The following DPP6 variants were observed in gnomAD, a reference collection of about 807,000 sequenced individuals.
DPP6 encodes the protein dipeptidyl peptidase like 6.
In DPP6, 69 loss-of-function variants were observed where a neutral mutation model predicts 122.6. The ratio of observed to expected loss-of-function variants is 0.56; its 90% CI spans 0.46 to 0.69. The LOEUF (loss-of-function observed/expected upper bound fraction) is 0.69. Ranked by LOEUF, DPP6 falls within the 30% of genes least tolerant of loss-of-function variation. DPP6 has a pLI of 0.00. For synonymous variants in DPP6, 418 were observed against 433.1 expected (o/e 0.97, Z 0.43); for missense variants, 928 against 1,116.9 (o/e 0.83, Z 2.41).
intron 1 of DPP6, among the ~76,000 whole-genome samples, chr7:154,246,550 A>G (rs989779306): frequency 6.6e-6 from 1 of 152,240 alleles, no homozygotes; most frequent in Non-Finnish European, 1.5e-5. Flanking sequence ...TAAAATTTGC[A>G]TAGGAATTAA....
chr7:154,773,892 T>A (rs1238869764), intron 10 of DPP6, among the ~76,000 whole-genome samples: 2 of 152,212 alleles, frequency 1.3e-5, no homozygotes, highest in African/African-American at 4.8e-5. Context: ...CCTCTCTGAA[T>A]GATGTGCTGG....
At position 154,754,150 on chromosome 7, in the gene DPP6, G is replaced by A. The variant is rs188889889; in HGVS notation, c.884-15267G>A. Reference sequence around the variant, plus strand: ...ATATTTGTGCAGAATATCTCAGTCCGATTAAGGTGACAATTGCTCAGGATT... The same window carrying A: ...ATATTTGTGCAGAATATCTCAGTCCAATTAAGGTGACAATTGCTCAGGATT... On this transcript the variant is annotated intron_variant, in intron 8 of 25. Coordinates refer to ENST00000377770, the MANE Select transcript of DPP6 (RefSeq NM_130797.4). Among the ~76,000 whole-genome samples, 356 of 152,246 alleles carry A rather than the reference G, an allele frequency of 2.3e-3. 3 individuals are homozygous for A. Among genetic ancestry groups the A allele is most frequent in the Non-Finnish European group, 1.4e-3 (98 of 68,030 alleles).
intron 1 of DPP6, among the ~76,000 whole-genome samples, chr7:154,104,288 T>C (rs1805980761): frequency 6.6e-6 from 1 of 152,202 alleles, no homozygotes; most frequent in Non-Finnish European, 1.5e-5. Context: ...TCATATTGTT[T>C]TTGGCTAGAC....
intron 4 of DPP6, among the ~76,000 whole-genome samples, chr7:154,561,804 G>A (rs1237282669): frequency 6.6e-6 from 1 of 152,022 alleles, no homozygotes; most frequent in Non-Finnish European, 1.5e-5. Flanking sequence ...AAAAAAATCA[G>A]ACACCAAGCA....
intron 6 of DPP6, among the ~76,000 whole-genome samples, chr7:154,666,295 T>C (rs1048576492): frequency 3.4e-4 from 51 of 150,012 alleles, no homozygotes; most frequent in African/African-American, 1.0e-3. Flanking sequence ...TATCTGTTTA[T>C]AGAGTTATTC....
chr7:153,841,962 C>A, the DPP6 span, among the ~76,000 whole-genome samples: 1 of 152,194 alleles, frequency 6.6e-6, no homozygotes, highest in African/African-American at 2.4e-5. Context: ...ATATGATTCT[C>A]TAATTTAATG....
At chr7:153,794,891 C>T in the DPP6 span, among the ~76,000 whole-genome samples, 5 of 152,214 alleles carry the variant, frequency 3.3e-5, no homozygotes, top group African/African-American at 9.6e-5. Context: ...CATTTTCTCT[C>T]GCCGCCATCA....
At chr7:154,812,167 A>C (rs1018831754) in intron 16 of DPP6, among the ~76,000 whole-genome samples, 4 of 152,216 alleles carry the variant, frequency 2.6e-5, no homozygotes, top group Non-Finnish European at 5.9e-5. Context: ...CTGAGAGCAG[A>C]TATAGGCTAT....
At chr7:153,967,579 G>A (rs373618284) in intron 1 of DPP6, among the ~76,000 whole-genome samples, 1 of 152,138 alleles carries the variant, frequency 6.6e-6, no homozygotes, top group Admixed American at 6.5e-5. Context: ...TGTTTCTCTG[G>A]CTCGTCGAAC....
chr7:154,889,759 CAA>C (rs1166385058), intron 25 of DPP6: 1 of 670,172 alleles, frequency 1.5e-6, no homozygotes, highest in African/African-American at 1.8e-5. Flanking sequence ...CCCTTTAGGA[CAA>C]CCATCTCCCC....
chr7:153,831,310 G>C, the DPP6 span, among the ~76,000 whole-genome samples: 4 of 152,272 alleles, frequency 2.6e-5, no homozygotes, highest in East Asian at 7.7e-4. Context: ...GCAGCTCCAC[G>C]TTTTCTATGA....
chr7:154,211,969 A>G (rs112926981), intron 1 of DPP6, among the ~76,000 whole-genome samples: 1 of 89,376 alleles, frequency 1.1e-5, no homozygotes, highest in African/African-American at 2.8e-5. Flanking sequence ...TGGGCTTGTC[A>G]CAGCGCCCTG....
chr7:154,218,617 T>G (rs1180888584), intron 1 of DPP6, among the ~76,000 whole-genome samples: 1 of 152,208 alleles, frequency 6.6e-6, no homozygotes, highest in Non-Finnish European at 1.5e-5. Flanking sequence ...AATTTTAAAT[T>G]ATATAGTCTG....
At chr7:154,555,944 T>C (rs926040605) in intron 4 of DPP6, among the ~76,000 whole-genome samples, 3 of 152,120 alleles carry the variant, frequency 2.0e-5, no homozygotes, top group Non-Finnish European at 4.4e-5. Flanking sequence ...AAAGTTGATA[T>C]CAAACTTTAA....
chr7:154,658,022 GT>G (rs1474524293), intron 6 of DPP6, among the ~76,000 whole-genome samples: 1 of 152,192 alleles, frequency 6.6e-6, no homozygotes, highest in African/African-American at 2.4e-5. Context: ...GCTTGCCAGG[GT>G]TTGGTGGGGT....
chr7:153,986,519 T>A (rs1231318447), intron 1 of DPP6, among the ~76,000 whole-genome samples: 1 of 152,144 alleles, frequency 6.6e-6, no homozygotes, highest in Non-Finnish European at 1.5e-5. Flanking sequence ...TCTCCTTGCC[T>A]CAGTCCAAAC....
chr7:154,210,637 C>T (rs928542023), intron 1 of DPP6, among the ~76,000 whole-genome samples: 17 of 152,000 alleles, frequency 1.1e-4, no homozygotes, highest in Admixed American at 4.6e-4. Flanking sequence ...CACAGAAATT[C>T]GTTAATGAAG....
chr7:154,518,572 T>C (rs1826721789), intron 3 of DPP6, among the ~76,000 whole-genome samples: 1 of 152,124 alleles, frequency 6.6e-6, no homozygotes, highest in Admixed American at 6.6e-5. Flanking sequence ...TGCACAGTCT[T>C]ATTGGAAGTA....
chr7:153,826,449 A>G, the DPP6 span, among the ~76,000 whole-genome samples: 1 of 152,150 alleles, frequency 6.6e-6, no homozygotes, highest in East Asian at 1.9e-4. Context: ...CCATTGAAGA[A>G]TGGTCTCTCT....
Sources: allele counts gnomAD v4.1 joint callset (sites outside exome capture counted in the v4.1 genomes callset), GRCh38; gene constraint gnomAD v4.1.1; transcripts MANE v1.5; gene names NCBI Gene and HGNC (gene_info 2026-07-23, HGNC 2026-07-21).